Variants in GALNT1 observed in about 807,000 individuals in gnomAD.
GALNT1 encodes the protein polypeptide N-acetylgalactosaminyltransferase 1.
GALNT1 carries 17 observed loss-of-function variants against 65.7 expected under a neutral mutation model. The observed-to-expected ratio is 0.26, with a 90% CI of 0.18 to 0.39. The LOEUF (loss-of-function observed/expected upper bound fraction) is 0.39, where lower values mean the gene tolerates loss of function less well. Among genes scored for constraint, GALNT1 ranks in the 10% least tolerant of loss-of-function variants. The pLI is 1.00. For synonymous variants in GALNT1, 210 were observed against 219.7 expected, an observed-to-expected ratio of 0.96 and a Z score of 0.39; for missense variants, 460 against 672.8, an observed-to-expected ratio of 0.68 and a Z score of 3.50.
chr18:35,691,312 T>TA (rs2047958263), intron 8 of GALNT1, 120 bp downstream of exon 8: 1 of 742,080 alleles, frequency 1.3e-6, no homozygotes, highest in Non-Finnish European at 2.1e-6. Flanking sequence ...CCTCATAAGG[T>TA]CATTGTAAGG....
At chr18:35,608,519 G>A (rs140386011) in intron 1 of GALNT1, among the ~76,000 whole-genome samples, 3 of 152,214 alleles carry the variant, frequency 2.0e-5, no homozygotes, top group African/African-American at 7.2e-5. Context: ...TGCCTAATTT[G>A]TACCTAGGTT....
intron 1 of GALNT1, among the ~76,000 whole-genome samples, chr18:35,614,738 T>A (rs367969220): frequency 6.6e-6 from 1 of 152,132 alleles, no homozygotes; most frequent in Non-Finnish European, 1.5e-5. Flanking sequence ...ATTTAAGGAC[T>A]AACATCCAGA....
At chr18:35,674,982 CAAAAAAAAAAAA>C (rs150477892) in intron 3 of GALNT1, among the ~76,000 whole-genome samples, 573 of 30,330 alleles carry the variant, frequency 0.019, 8 homozygotes, top group Middle Eastern at 0.053. Flanking sequence ...GACTCCGTCT[CAAAAAAAAAAAA>C]AAAAAAAAAA....
chr18:35,626,123 C>A (rs1317721082), intron 1 of GALNT1, among the ~76,000 whole-genome samples: 1 of 152,152 alleles, frequency 6.6e-6, no homozygotes. Context: ...TTCTCCCCAC[C>A]AGTTTCTCTT....
intron 1 of GALNT1, chr18:35,591,770 A>G (rs1190773125): frequency 6.5e-6 from 1 of 154,410 alleles, no homozygotes; most frequent in Non-Finnish European, 1.5e-5. Flanking sequence ...TCAAAAGACT[A>G]GAGGTAGGAA....
At chr18:35,594,051 T>C (rs760414727) in intron 1 of GALNT1, among the ~76,000 whole-genome samples, 40 of 139,460 alleles carry the variant, frequency 2.9e-4, no homozygotes, top group Non-Finnish European at 6.0e-4. Context: ...TGTCCTGATT[T>C]TGGCAGTTAA....
intron 1 of GALNT1, among the ~76,000 whole-genome samples, chr18:35,635,891 C>T (rs2047082346): frequency 6.6e-6 from 1 of 152,046 alleles, no homozygotes; most frequent in Non-Finnish European, 1.5e-5. Context: ...TCAAAATTAA[C>T]CTTCACTTTG....
At chr18:35,644,405 T>C (rs1335745142) in intron 1 of GALNT1, among the ~76,000 whole-genome samples, 1 of 152,164 alleles carries the variant, frequency 6.6e-6, no homozygotes, top group Non-Finnish European at 1.5e-5. Context: ...CTGAACACTT[T>C]ATAGGAAGCT....
At chr18:35,581,719 C>T (rs1418296258), upstream of GALNT1, 2 of 144,294 alleles carry the variant, frequency 1.4e-5, no homozygotes, top group East Asian at 4.1e-4. Context: ...GACCCGCCCG[C>T]CCGCCGGGGG....
At chr18:35,689,109 AAAAACAAAAACT>A (rs2144644760) in intron 6 of GALNT1, 52 bp from the exon 7 acceptor site, 1 of 1,098,976 alleles carries the variant, frequency 9.1e-7, no homozygotes, top group East Asian at 2.4e-5. Flanking sequence ...AACAGCTTTT[AAAAACAAAAACT>A]GATTGATTGT....
At chr18:35,693,388 G>A (rs1231473271) in intron 9 of GALNT1, among the ~76,000 whole-genome samples, 2 of 152,218 alleles carry the variant, frequency 1.3e-5, no homozygotes, top group African/African-American at 2.4e-5. Context: ...CAAAGACAAA[G>A]TGAGGGTCAA....
chr18:35,613,023 A>T (rs2046737025), intron 1 of GALNT1, among the ~76,000 whole-genome samples: 1 of 152,200 alleles, frequency 6.6e-6, no homozygotes, highest in Non-Finnish European at 1.5e-5. Flanking sequence ...CTTGTTTAAG[A>T]TCGCAGCTCC....
chr18:35,671,147 A>G (rs892379489), intron 3 of GALNT1, among the ~76,000 whole-genome samples: 2 of 151,744 alleles, frequency 1.3e-5, no homozygotes, highest in African/African-American at 4.8e-5. Context: ...TATTTATTTA[A>G]TTTTTTGCTT....
At chr18:35,709,521 A>T in intron 11 of GALNT1, 103 bp from the exon 12 acceptor site, 1 of 1,176,766 alleles carries the variant, frequency 8.5e-7, no homozygotes. Flanking sequence ...AATGTATATT[A>T]CCAAAAAAAA....
intron 6 of GALNT1, among the ~76,000 whole-genome samples, chr18:35,687,425 G>A (rs1034093737): frequency 9.2e-5 from 14 of 152,122 alleles, no homozygotes; most frequent in African/African-American, 1.9e-4. Flanking sequence ...GATGACATGC[G>A]TGTTTTTTCA....
rs573524404 is a variant in GALNT1 at position 35,680,270 on chromosome 18, A to G, written c.481+2513A>G. On this transcript the variant is annotated intron_variant, in intron 4 of 11. Coordinates refer to ENST00000269195, the MANE Select transcript of GALNT1 (RefSeq NM_020474.4). ...CCACCATCTCCCCAGCACTGTTAAC[A>G]TTGAATCATCCATCAGAGTTCAGCT... 5.9e-5 allele frequency among the ~76,000 whole-genome samples: 9 copies of G among 152,262 alleles called. No individual in the cohort carries two copies. The East Asian group carries it at 1.7e-3, about 29-fold the overall frequency.
At chr18:35,673,136 A>G (rs1180661233) in intron 3 of GALNT1, among the ~76,000 whole-genome samples, 5 of 152,240 alleles carry the variant, frequency 3.3e-5, no homozygotes, top group African/African-American at 1.2e-4. Flanking sequence ...AGGTAGCCAG[A>G]CATCTTATGA....
chr18:35,671,982 T>G (rs2047643612), intron 3 of GALNT1, among the ~76,000 whole-genome samples: 1 of 152,220 alleles, frequency 6.6e-6, no homozygotes, highest in East Asian at 1.9e-4. Context: ...TATACTCTTA[T>G]TTTTTCTCTG....
chr18:35,610,135 A>T (rs79056662), intron 1 of GALNT1, among the ~76,000 whole-genome samples: 1 of 152,208 alleles, frequency 6.6e-6, no homozygotes, highest in East Asian at 1.9e-4. Flanking sequence ...GAAGCCAGAG[A>T]AAGCATGACG....
Sources: allele counts gnomAD v4.1 joint callset (sites outside exome capture counted in the v4.1 genomes callset), GRCh38; gene constraint gnomAD v4.1.1; transcripts MANE v1.5; gene names NCBI Gene and HGNC (gene_info 2026-07-23, HGNC 2026-07-21).